TBC1D19: variants seen among roughly 807,000 people sequenced by gnomAD.
TBC1D19 encodes the protein TBC1 domain family, member 19.
In TBC1D19, 60 loss-of-function variants were observed where a neutral mutation model predicts 89.0. The observed-to-expected ratio is 0.67, with a 90% CI of 0.55 to 0.84. The LOEUF (loss-of-function observed/expected upper bound fraction) is 0.84, where lower values mean the gene tolerates loss of function less well. Ranked by LOEUF, TBC1D19 falls within the 40% of genes least tolerant of loss-of-function variation. TBC1D19 has a pLI of 0.00. For missense variants in TBC1D19, 500 were observed against 610.8 expected, an observed-to-expected ratio of 0.82 and a Z score of 1.91; for synonymous variants, 189 against 199.7, an observed-to-expected ratio of 0.95 and a Z score of 0.45.
At chr4:26,675,857 C>T (rs2109118579) in intron 11 of TBC1D19, among the ~76,000 whole-genome samples, 1 of 152,162 alleles carries the variant, frequency 6.6e-6, no homozygotes, top group Admixed American at 6.5e-5. Context: ...ACTTGTGGTT[C>T]CTAGTAGTTA....
At chr4:26,806,463 C>T in the TBC1D19 span, among the ~76,000 whole-genome samples, 2 of 152,214 alleles carry the variant, frequency 1.3e-5, no homozygotes, top group African/African-American at 4.8e-5. Flanking sequence ...CAGATATTAG[C>T]TCATGCTAAT....
chr4:26,731,251 G>T (rs1371917985), intron 15 of TBC1D19, among the ~76,000 whole-genome samples: 1 of 152,090 alleles, frequency 6.6e-6, no homozygotes, highest in Non-Finnish European at 1.5e-5. Flanking sequence ...AATTATGAAG[G>T]AGTAGGGCAG....
At chr4:26,772,168 C>T in the TBC1D19 span, among the ~76,000 whole-genome samples, 9 of 137,890 alleles carry the variant, frequency 6.5e-5, no homozygotes, top group African/African-American at 1.7e-4. Flanking sequence ...ATTGTGGATT[C>T]TCTGCATCTC....
intron 3 of TBC1D19, 102 bp from the exon 4 acceptor site, chr4:26,620,511 A>AAATGG: frequency 1.1e-6 from 1 of 932,730 alleles, no homozygotes; most frequent in Non-Finnish European, 1.6e-6. Context: ...ATATAAAATG[A>AAATGG]AATGTTACTG....
chr4:26,856,706 C>T, the TBC1D19 span, among the ~76,000 whole-genome samples: 4 of 152,176 alleles, frequency 2.6e-5, no homozygotes, highest in Admixed American at 1.3e-4. Flanking sequence ...ACTTTAGCTC[C>T]ATCACAATTC....
At chr4:26,819,775 T>A in the TBC1D19 span, among the ~76,000 whole-genome samples, 1 of 152,220 alleles carries the variant, frequency 6.6e-6, no homozygotes. Context: ...GACACCTTTC[T>A]GACTTTATCA....
At chr4:26,665,756 A>G (rs1711749584) in intron 8 of TBC1D19, among the ~76,000 whole-genome samples, 1 of 152,042 alleles carries the variant, frequency 6.6e-6, no homozygotes, top group African/African-American at 2.4e-5. Flanking sequence ...GGTAAGTGAT[A>G]TGCATACTGA....
rs935540080 is a variant in TBC1D19 at position 26,686,418 on chromosome 4, GT to G, written c.892-1916del. On this transcript the variant is annotated intron_variant, in intron 12 of 20. Coordinates refer to ENST00000264866, the MANE Select transcript of TBC1D19 (RefSeq NM_018317.4). ...AATTTATTAAATGGTTTTGTGTTTT[GT>G]TTTTTTTTTTAACAAACTTGCCTTG... Among the ~76,000 whole-genome samples the G allele has an allele frequency of 1.4e-3, 199 of 142,426 alleles. 1 individual carries two copies. The highest frequency in any genetic ancestry group is 4.0e-3 in the African/African-American group (158 of 39,120). The allele number at this position is 142,426 out of a possible 152,430, so 93.4% of individuals were successfully genotyped here.
intron 1 of TBC1D19, among the ~76,000 whole-genome samples, chr4:26,606,335 G>T (rs1022182367): frequency 1.3e-5 from 2 of 152,160 alleles, no homozygotes; most frequent in African/African-American, 4.8e-5. Context: ...TATATGAAGA[G>T]AACTTGAAGA....
chr4:26,620,754 A>G, intron 4 of TBC1D19, 66 bp downstream of exon 4: 2 of 1,392,990 alleles, frequency 1.4e-6, no homozygotes, highest in South Asian at 1.2e-5. Context: ...GCAAAAGATC[A>G]TTACTGATGT....
At chr4:26,765,601 C>T in the TBC1D19 span, among the ~76,000 whole-genome samples, 7 of 152,066 alleles carry the variant, frequency 4.6e-5, no homozygotes, top group African/African-American at 1.4e-4. Flanking sequence ...GTAGGTGAAC[C>T]GTCTCCTCAG....
At chr4:26,805,515 CA>C in the TBC1D19 span, among the ~76,000 whole-genome samples, 1 of 152,196 alleles carries the variant, frequency 6.6e-6, no homozygotes, top group South Asian at 2.1e-4. Flanking sequence ...CCATCCTTCC[CA>C]TCTTCTTCAG....
At chr4:26,625,168 G>C (rs1404086938) in intron 4 of TBC1D19, among the ~76,000 whole-genome samples, 1 of 151,994 alleles carries the variant, frequency 6.6e-6, no homozygotes, top group Non-Finnish European at 1.5e-5. Context: ...TTTCTGGCAA[G>C]CTACACTGGT....
the TBC1D19 span, among the ~76,000 whole-genome samples, chr4:26,851,118 C>A: frequency 1.3e-5 from 2 of 152,190 alleles, no homozygotes; most frequent in African/African-American, 4.8e-5. Context: ...GCACTAGCAC[C>A]CCTCAATCCA....
intron 9 of TBC1D19, among the ~76,000 whole-genome samples, chr4:26,667,548 G>A (rs1711919887): frequency 1.3e-5 from 2 of 151,930 alleles, no homozygotes; most frequent in Non-Finnish European, 2.9e-5. Flanking sequence ...TTGCTTTCTG[G>A]TGTTCCACTG....
At chr4:26,596,302 A>G (rs941483301) in intron 1 of TBC1D19, among the ~76,000 whole-genome samples, 12 of 152,216 alleles carry the variant, frequency 7.9e-5, no homozygotes, top group African/African-American at 2.4e-4. Flanking sequence ...TGGATTTTCT[A>G]TGCTTCTGTT....
chr4:26,837,961 G>A, the TBC1D19 span, among the ~76,000 whole-genome samples: 1 of 152,206 alleles, frequency 6.6e-6, no homozygotes, highest in African/African-American at 2.4e-5. Context: ...TCTGCAAGGT[G>A]TTAAGGAGAA....
intron 5 of TBC1D19, among the ~76,000 whole-genome samples, chr4:26,638,095 T>G (rs1743247337): frequency 6.6e-6 from 1 of 151,612 alleles, no homozygotes. Flanking sequence ...TTTATGTTAC[T>G]CTGGGCATTG....
intron 13 of TBC1D19, among the ~76,000 whole-genome samples, chr4:26,712,202 A>T (rs899669377): frequency 6.6e-6 from 1 of 151,880 alleles, no homozygotes; most frequent in Admixed American, 6.6e-5. Flanking sequence ...TTATTGTTGT[A>T]TTTGTTGATT....
Sources: gnomAD v4.1 joint callset for allele counts (sites outside exome capture counted in the v4.1 genomes callset) on GRCh38, gnomAD v4.1.1 for gene constraint, MANE v1.5 for transcripts, NCBI Gene and HGNC (gene_info 2026-07-23, HGNC 2026-07-21) for gene names.